Variants in SAXO5 observed in about 807,000 individuals in gnomAD.
SAXO5 encodes stabilizer of axonemal microtubules 5.
chr19:7,507,139 C>A, the SAXO5 span: 1 of 1,613,520 alleles, frequency 6.2e-7, no homozygotes, highest in Non-Finnish European at 8.5e-7. Context: ...GATGCTACAG[C>A]GGGTAAGGGA....
chr19:7,500,476 T>TA, the SAXO5 span, among the ~76,000 whole-genome samples: 702 of 151,982 alleles, frequency 4.6e-3, 3 homozygotes, highest in South Asian at 0.014. Context: ...TAATTTTTTT[T>TA]AAAAATTATT....
At chr19:7,498,942 G>A in the SAXO5 span, 1 of 152,534 alleles carries the variant, frequency 6.6e-6, no homozygotes, top group Non-Finnish European at 1.5e-5. Flanking sequence ...CTAACTCTCA[G>A]AAGGTGTGAA....
the SAXO5 span, among the ~76,000 whole-genome samples, chr19:7,501,736 G>A: frequency 2.0e-5 from 3 of 151,912 alleles, no homozygotes; most frequent in Admixed American, 1.3e-4. Context: ...CAGGAGAATC[G>A]CTTGAACCCA....
chr19:7,498,717 AG>A, the SAXO5 span, among the ~76,000 whole-genome samples: 1 of 151,996 alleles, frequency 6.6e-6, no homozygotes, highest in South Asian at 2.1e-4. Flanking sequence ...CTAAATAGGT[AG>A]AGGTAAGCAG....
At chr19:7,505,182 C>T in the SAXO5 span, 1 of 740,410 alleles carries the variant, frequency 1.4e-6, no homozygotes, top group South Asian at 1.6e-5. Flanking sequence ...GGGGTTTCAC[C>T]ATTTTTGCCA....
At chr19:7,507,548 C>G in the SAXO5 span, among the ~76,000 whole-genome samples, 444 of 151,736 alleles carry the variant, frequency 2.9e-3, 4 homozygotes, top group African/African-American at 0.01. Flanking sequence ...CCATTGCACT[C>G]TGGGCTGGGC....
chr19:7,505,595 T>C, the SAXO5 span: 1 of 1,614,082 alleles, frequency 6.2e-7, no homozygotes, highest in East Asian at 2.2e-5. Flanking sequence ...CCCGGCAGTC[T>C]GGACACCTTC....
the SAXO5 span, chr19:7,501,421 G>A: frequency 6.8e-7 from 1 of 1,461,168 alleles, no homozygotes; most frequent in Non-Finnish European, 8.9e-7. Flanking sequence ...CCCGGGCTGA[G>A]TGGGCGATTT....
At chr19:7,500,854 G>A in the SAXO5 span, 56 of 1,537,316 alleles carry the variant, frequency 3.6e-5, no homozygotes, top group Non-Finnish European at 4.5e-5. Context: ...CCGTGCTCGC[G>A]CCCGTGCCCG....
chr19:7,506,057 T>G, the SAXO5 span: 1 of 1,613,764 alleles, frequency 6.2e-7, no homozygotes, highest in Non-Finnish European at 8.5e-7. Context: ...ACTCAAACGC[T>G]TCTTCAAGAC....
the SAXO5 span, chr19:7,498,842 T>G: frequency 6.6e-6 from 1 of 152,476 alleles, no homozygotes; most frequent in Non-Finnish European, 1.5e-5. Context: ...ACTTGTGATC[T>G]AAGCAAAGGC....
the SAXO5 span, among the ~76,000 whole-genome samples, chr19:7,504,566 T>C: frequency 6.6e-6 from 1 of 151,510 alleles, no homozygotes; most frequent in South Asian, 2.1e-4. Context: ...ATTAGCCGGG[T>C]GTGGTGGTGG....
chr19:7,501,236 G>C, the SAXO5 span: 1 of 1,554,592 alleles, frequency 6.4e-7, no homozygotes, highest in Non-Finnish European at 8.6e-7. Flanking sequence ...CCGAGCTGCC[G>C]GCGCGCACCC....
At chr19:7,505,001 T>G in the SAXO5 span, among the ~76,000 whole-genome samples, 2 of 142,634 alleles carry the variant, frequency 1.4e-5, no homozygotes, top group African/African-American at 5.1e-5. Flanking sequence ...TTTTTTTTTT[T>G]GAGACGTAGT....
chr19:7,506,953 T>G, the SAXO5 span: 1 of 892,284 alleles, frequency 1.1e-6, no homozygotes, highest in African/African-American at 1.6e-5. Flanking sequence ...ACTTCAGCGC[T>G]GGCCTGGGCT....
chr19:7,507,456 G>C, the SAXO5 span, among the ~76,000 whole-genome samples: 2 of 152,210 alleles, frequency 1.3e-5, no homozygotes, highest in African/African-American at 4.8e-5. Context: ...GGTGGCGCAT[G>C]CCTGTAATCC....
At chr19:7,501,532 T>A in the SAXO5 span, 1 of 1,110,982 alleles carries the variant, frequency 9.0e-7, no homozygotes, top group Non-Finnish European at 1.2e-6. Flanking sequence ...GGTCAGGACT[T>A]GGGGGGTGGC....
chr19:7,506,254 ATGGAGCCCCGCCCCCACGGAGCCCCG>A, the SAXO5 span: 1 of 869,914 alleles, frequency 1.1e-6, no homozygotes. Context: ...GCCCCTCCCC[ATGGAGCCCCGCCCCCACGGAGCCCCG>A]TCCCGGGAAG....
the SAXO5 span, chr19:7,501,080 C>T: frequency 6.7e-6 from 10 of 1,500,252 alleles, no homozygotes; most frequent in Admixed American, 2.1e-5. Context: ...ACCGCGCGTT[C>T]CCGCCGCCAT....
Sources: allele counts gnomAD v4.1 joint callset (sites outside exome capture counted in the v4.1 genomes callset), GRCh38; gene constraint gnomAD v4.1.1; transcripts MANE v1.5; gene names NCBI Gene and HGNC (gene_info 2026-07-23, HGNC 2026-07-21).